Variants in DMD observed in about 807,000 individuals in gnomAD.
The protein encoded by DMD is dystrophin.
Under a neutral mutation model 330.1 loss-of-function variants are expected in DMD, and 63 were observed. The observed-to-expected ratio is 0.19, with a 90% CI of 0.16 to 0.24. The LOEUF is 0.24. Among genes scored for constraint, DMD ranks in the 10% least tolerant of loss-of-function variants. The pLI is 1.00. For synonymous variants in DMD, 1,223 were observed against 959.8 expected, an observed-to-expected ratio of 1.27 and a Z score of -5.07; for missense variants, 3,344 against 2,684.1, an observed-to-expected ratio of 1.25 and a Z score of -5.43.
chrX:31,240,771 CAT>C (rs2048185006), intron 63 of DMD, among the ~76,000 whole-genome samples: 1 of 111,473 alleles, frequency 9.0e-6, no homozygotes, highest in African/African-American at 3.3e-5. Flanking sequence ...CATAAATTCT[CAT>C]ATAATTACCT....
chrX:32,645,562 G>C (rs1464168727), intron 9 of DMD, among the ~76,000 whole-genome samples: 1 of 111,337 alleles, frequency 9.0e-6, no homozygotes, highest in African/African-American at 3.3e-5. Flanking sequence ...ATCTCTTCCT[G>C]AGAGGCCCTA....
chrX:32,273,511 T>G lies in DMD; in HGVS notation c.6290+14018A>C, dbSNP rs1320625694. On this transcript the variant is annotated intron_variant, in intron 43 of 78. Coordinates refer to ENST00000357033, the MANE Select transcript of DMD (RefSeq NM_004006.3). ...CTCTTCCAATATTCTTTTTTTTTTT[T>G]TCATGACTGAACAGTTTTTAGCAGA... Among the ~76,000 whole-genome samples the G allele has an allele frequency of 3.7e-5, 4 of 107,675 alleles. No individual in the cohort carries two copies. The East Asian group carries it at 1.1e-3, about 31-fold the overall frequency. The allele number at this position is 107,675 out of a possible 115,157, so 93.5% of individuals were successfully genotyped here.
chrX:32,062,875 G>T (rs2096236030), intron 44 of DMD, among the ~76,000 whole-genome samples: 1 of 108,931 alleles, frequency 9.2e-6, no homozygotes, highest in Admixed American at 9.9e-5. Context: ...TGTAGAGTTG[G>T]AACTGATATT....
At position 32,702,975 on chromosome X, in the gene DMD, A is replaced by G. The variant is rs746676499; in HGVS notation, c.650-3682T>C. ...CAAGTAGACACCAACAAAAGTTTCA[A>G]TCTACCCTATTTATTCATTTAACAA... On this transcript the variant is annotated intron_variant, in intron 7 of 78. Transcript: ENST00000357033. 1.3e-4 allele frequency among the ~76,000 whole-genome samples: 14 copies of G among 111,516 alleles called. No individual in the cohort carries two copies. In the East Asian group the frequency reaches 2.8e-3, roughly 23 times the overall value.
At chrX:32,794,213 A>T (rs1201098203) in intron 7 of DMD, among the ~76,000 whole-genome samples, 2 of 112,167 alleles carry the variant, frequency 1.8e-5, no homozygotes, top group Non-Finnish European at 3.8e-5. Context: ...CATACAAAAA[A>T]AATTAACAAA....
intron 44 of DMD, among the ~76,000 whole-genome samples, chrX:32,197,000 A>AAAAAAAAAAAAAAAC (rs1557206020): frequency 1.1e-5 from 1 of 93,901 alleles, no homozygotes; most frequent in African/African-American, 4.0e-5. Flanking sequence ...AAAAAAAAAA[A>AAAAAAAAAAAAAAAC]AAAAACAAAA....
chrX:32,931,833 C>T (rs748068030), intron 2 of DMD, among the ~76,000 whole-genome samples: 2 of 111,381 alleles, frequency 1.8e-5, no homozygotes, highest in Non-Finnish European at 3.8e-5. Context: ...AGCTGTATTT[C>T]ATTTTAAGGT....
At chrX:32,328,101 T>C (rs769390093) in intron 41 of DMD, among the ~76,000 whole-genome samples, 42 of 111,553 alleles carry the variant, frequency 3.8e-4, no homozygotes, top group African/African-American at 1.4e-3. Flanking sequence ...CACTGGGAAA[T>C]AAAGAATGTG....
intron 24 of DMD, among the ~76,000 whole-genome samples, chrX:32,463,862 G>T (rs959309230): frequency 8.9e-6 from 1 of 111,826 alleles, no homozygotes; most frequent in African/African-American, 3.2e-5. Flanking sequence ...AATATTTCTG[G>T]TTAGAAAAAT....
chrX:33,190,980 ATATATATATATATAATATATAATAT>A (rs2050587172), intron 1 of DMD, among the ~76,000 whole-genome samples: 3 of 1,781 alleles, frequency 1.7e-3, no homozygotes, highest in South Asian at 0.025. Context: ...ATATAATATT[ATATATATATATATAATATATAATAT>A]TATATATATA....
intron 16 of DMD, among the ~76,000 whole-genome samples, chrX:32,548,435 C>G (rs1476317303): frequency 9.0e-6 from 1 of 111,651 alleles, no homozygotes; most frequent in Non-Finnish European, 1.9e-5. Context: ...TAATATTTAT[C>G]CTTGTTTATA....
Position 33,281,947 on chromosome X carries a change from T to C in DMD, c.7+57312A>G, listed in dbSNP as rs186220232. The stretch of plus-strand genomic sequence containing the variant: ...TAGGGGTTTCTTAGATCTATAGAGA[T>C]AAAAGTGTTTCCTAGATAGGATTAT... On this transcript the variant is annotated intron_variant, in intron 1 of 17. Transcript: ENST00000288447. Among the ~76,000 whole-genome samples the C allele has an allele frequency of 1.4e-4, 15 of 109,123 alleles. 1 individual carries two copies. The highest frequency in any genetic ancestry group is 4.0e-4 in the African/African-American group (12 of 29,964). 94.8% of individuals were successfully genotyped at this position (109,123 alleles called of 115,157 possible).
At chrX:31,596,242 G>A (rs1046790528) in intron 55 of DMD, among the ~76,000 whole-genome samples, 1 of 111,773 alleles carries the variant, frequency 8.9e-6, no homozygotes, top group African/African-American at 3.2e-5. Flanking sequence ...AAAACTTTGC[G>A]ATGTACTTCA....
chrX:31,134,665 C>T (rs1409457872), intron 76 of DMD, among the ~76,000 whole-genome samples: 1 of 111,907 alleles, frequency 8.9e-6, no homozygotes, highest in Non-Finnish European at 1.9e-5. Flanking sequence ...TCATGATCTG[C>T]CCACCTCAGC....
chrX:32,578,863 A>G lies in DMD; in HGVS notation c.1603-5017T>C, dbSNP rs1265980982. Among the ~76,000 whole-genome samples, 4 of 111,615 alleles carry G rather than the reference A, an allele frequency of 3.6e-5. No individual in the cohort carries two copies. In the Admixed American group the frequency reaches 3.8e-4, roughly 11 times the overall value. Reference sequence around the variant, plus strand: ...GAAAGAGGGAGGCAGAAAACAACCCATCTTATTTTATTGCAGGTTAAGACC... The same window carrying G: ...GAAAGAGGGAGGCAGAAAACAACCCGTCTTATTTTATTGCAGGTTAAGACC... On this transcript the variant is annotated intron_variant, in intron 13 of 78. Coordinates refer to ENST00000357033, the MANE Select transcript of DMD (RefSeq NM_004006.3).
At chrX:31,130,332 C>A (rs145015605) in intron 77 of DMD, among the ~76,000 whole-genome samples, 416 of 111,737 alleles carry the variant, frequency 3.7e-3, no homozygotes, top group Non-Finnish European at 5.9e-3. Flanking sequence ...TAGAGAGTAC[C>A]TTATAGTAAA....
In DMD at chrX:32,436,395, G is replaced by A. The variant is rs139138400; in HGVS notation, c.4071+1846C>T. Among the ~76,000 whole-genome samples, 901 of 111,688 alleles carry A rather than the reference G, an allele frequency of 8.1e-3. 13 individuals are homozygous for A. Among genetic ancestry groups the A allele is most frequent in the African/African-American group, 0.028 (872 of 30,715 alleles). ...GGTGTTATTCTAGCCCAAGTTTCAAGTATTTTCTTATTCAAAAGTTTATGC... is the reference window on the plus strand; with the variant it reads ...GGTGTTATTCTAGCCCAAGTTTCAAATATTTTCTTATTCAAAAGTTTATGC... On this transcript the variant is annotated intron_variant, in intron 29 of 78. Coordinates refer to ENST00000357033, the MANE Select transcript of DMD (RefSeq NM_004006.3).
chrX:31,995,328 A>T (rs966209103), intron 44 of DMD, among the ~76,000 whole-genome samples: 1 of 111,999 alleles, frequency 8.9e-6, no homozygotes, highest in African/African-American at 3.2e-5. Context: ...TGCATTAGAG[A>T]TAACAAACAT....
At chrX:31,265,172 G>C (rs773608854) in intron 62 of DMD, among the ~76,000 whole-genome samples, 1 of 112,052 alleles carries the variant, frequency 8.9e-6, no homozygotes, top group East Asian at 2.8e-4. Context: ...TTAGAGTTTG[G>C]TTTCATATAT....
Sources: allele counts gnomAD v4.1 joint callset (sites outside exome capture counted in the v4.1 genomes callset), GRCh38; gene constraint gnomAD v4.1.1; transcripts MANE v1.5; gene names NCBI Gene and HGNC (gene_info 2026-07-23, HGNC 2026-07-21).